Variants in DSCAM observed in about 807,000 individuals in gnomAD.
DSCAM encodes the protein cell adhesion molecule DSCAM.
DSCAM carries 47 observed loss-of-function variants against 217.7 expected under a neutral mutation model. The ratio of observed to expected loss-of-function variants is 0.22; its 90% CI spans 0.17 to 0.28. DSCAM has a LOEUF of 0.28. Ranked by LOEUF, DSCAM falls within the 10% of genes least tolerant of loss-of-function variation. The pLI, the probability that DSCAM is intolerant of heterozygous loss-of-function variation, is 1.00. For synonymous variants in DSCAM, 1,056 were observed against 1,015.3 expected (o/e 1.04, Z -0.76); for missense variants, 2,080 against 2,618.3 (o/e 0.79, Z 4.49).
chr21:40,727,376 C>T (rs2090966823), intron 1 of DSCAM, among the ~76,000 whole-genome samples: 1 of 152,130 alleles, frequency 6.6e-6, no homozygotes, highest in South Asian at 2.1e-4. Context: ...TTCTTCTGCA[C>T]ATTTGTTAGT....
intron 18 of DSCAM, among the ~76,000 whole-genome samples, chr21:40,137,619 AC>A (rs2090228058): frequency 7.9e-6 from 1 of 127,130 alleles, no homozygotes; most frequent in East Asian, 2.1e-4. Flanking sequence ...ACACACACAC[AC>A]ACACACACAC....
chr21:40,407,659 G>A (rs768847967), intron 3 of DSCAM, among the ~76,000 whole-genome samples: 3 of 152,172 alleles, frequency 2.0e-5, no homozygotes, highest in South Asian at 2.1e-4. Flanking sequence ...GAAGAGTAGC[G>A]AGGCTCCAGA....
At chr21:40,460,972 G>A (rs1338862007) in intron 3 of DSCAM, among the ~76,000 whole-genome samples, 8 of 152,102 alleles carry the variant, frequency 5.3e-5, no homozygotes, top group Admixed American at 2.0e-4. Context: ...ACAGATATAC[G>A]GTGCATATGC....
At chr21:40,284,665 G>A (rs1026175821) in intron 10 of DSCAM, among the ~76,000 whole-genome samples, 35 of 152,196 alleles carry the variant, frequency 2.3e-4, no homozygotes, top group Non-Finnish European at 4.7e-4. Flanking sequence ...AGAAGCAGCT[G>A]TTAGCAGTGA....
At chr21:40,642,406 T>C (rs937055518) in intron 3 of DSCAM, among the ~76,000 whole-genome samples, 2 of 152,034 alleles carry the variant, frequency 1.3e-5, no homozygotes, top group African/African-American at 2.4e-5. Context: ...AAGCACCCAT[T>C]AGGAGTACTG....
intron 3 of DSCAM, among the ~76,000 whole-genome samples, chr21:40,612,161 G>A (rs1018216178): frequency 6.6e-6 from 1 of 152,122 alleles, no homozygotes; most frequent in African/African-American, 2.4e-5. Flanking sequence ...GATCCAACAC[G>A]ATTTTATAGA....
chr21:40,088,827 C>G (rs1312101667), intron 21 of DSCAM, among the ~76,000 whole-genome samples: 4 of 152,188 alleles, frequency 2.6e-5, no homozygotes, highest in Non-Finnish European at 5.9e-5. Flanking sequence ...GGCTTTCCAG[C>G]TTTATAACAG....
At chr21:40,524,786 G>A (rs533206448) in intron 3 of DSCAM, among the ~76,000 whole-genome samples, 14 of 152,010 alleles carry the variant, frequency 9.2e-5, no homozygotes, top group East Asian at 7.7e-4. Context: ...CGAGGTGGGC[G>A]GATCATGAGG....
At chr21:40,081,059 G>A (rs139661700) in intron 24 of DSCAM, among the ~76,000 whole-genome samples, 52 of 152,276 alleles carry the variant, frequency 3.4e-4, no homozygotes, top group African/African-American at 1.2e-3. Flanking sequence ...CACAGAACAC[G>A]TGGGACACTG....
intron 11 of DSCAM, among the ~76,000 whole-genome samples, chr21:40,190,908 T>C (rs1020008461): frequency 2.6e-5 from 4 of 152,208 alleles, no homozygotes; most frequent in African/African-American, 9.6e-5. Flanking sequence ...TTAAAGATAT[T>C]TTAAAAATAT....
At chr21:40,171,951 A>G (rs1601406941) in intron 15 of DSCAM, among the ~76,000 whole-genome samples, 1 of 152,230 alleles carries the variant, frequency 6.6e-6, no homozygotes, top group African/African-American at 2.4e-5. Context: ...AATTGTGTTG[A>G]CATTGGAAAT....
intron 3 of DSCAM, among the ~76,000 whole-genome samples, chr21:40,531,810 T>C (rs973406257): frequency 2.6e-5 from 4 of 152,328 alleles, no homozygotes; most frequent in African/African-American, 9.6e-5. Flanking sequence ...ATTAAACTGA[T>C]AAATCAGCAA....
intron 6 of DSCAM, among the ~76,000 whole-genome samples, chr21:40,340,772 T>C (rs1050322576): frequency 1.8e-4 from 27 of 152,266 alleles, no homozygotes; most frequent in African/African-American, 6.3e-4. Flanking sequence ...TTGGAAAGTA[T>C]TATAAACAAA....
At chr21:40,684,418 C>G (rs2090452232) in intron 3 of DSCAM, among the ~76,000 whole-genome samples, 1 of 152,100 alleles carries the variant, frequency 6.6e-6, no homozygotes. Context: ...CCTGCCCCAT[C>G]TGCTCAGAAG....
At chr21:40,229,442 T>G (rs1191668811) in intron 11 of DSCAM, among the ~76,000 whole-genome samples, 2 of 152,230 alleles carry the variant, frequency 1.3e-5, no homozygotes, top group Non-Finnish European at 2.9e-5. Flanking sequence ...GTGTTACATA[T>G]TCATGGTTGC....
chr21:40,669,739 T>C (rs9983780), intron 3 of DSCAM, among the ~76,000 whole-genome samples: 96,871 of 151,802 alleles, frequency 0.64, 33,094 homozygotes, highest in East Asian at 0.74. Flanking sequence ...CCACCACGCC[T>C]GGTTAATTTC....
At chr21:40,172,202 G>A (rs977978587) in intron 15 of DSCAM, among the ~76,000 whole-genome samples, 1 of 152,200 alleles carries the variant, frequency 6.6e-6, no homozygotes, top group African/African-American at 2.4e-5. Flanking sequence ...CCAGGAGGCG[G>A]AGGTTGTAGT....
intron 18 of DSCAM, among the ~76,000 whole-genome samples, chr21:40,136,839 G>A (rs1455064964): frequency 6.6e-6 from 1 of 152,146 alleles, no homozygotes; most frequent in Non-Finnish European, 1.5e-5. Flanking sequence ...AGCCTGGTGG[G>A]GAGGGAGAAG....
chr21:40,100,146 T>C (rs973024308), intron 20 of DSCAM, among the ~76,000 whole-genome samples: 2 of 152,194 alleles, frequency 1.3e-5, no homozygotes, highest in Non-Finnish European at 1.5e-5. Flanking sequence ...GTAAATTATA[T>C]AGTATTTATT....
Sources: allele counts gnomAD v4.1 joint callset (sites outside exome capture counted in the v4.1 genomes callset), GRCh38; gene constraint gnomAD v4.1.1; transcripts MANE v1.5; gene names NCBI Gene and HGNC (gene_info 2026-07-23, HGNC 2026-07-21).